HID1: variants seen among roughly 807,000 people sequenced by gnomAD.
The protein encoded by HID1 is HID1 domain containing.
A neutral mutation model predicts 89.7 loss-of-function variants in HID1; 42 were observed. The observed-to-expected ratio is 0.47, with a 90% CI of 0.37 to 0.61. The LOEUF (loss-of-function observed/expected upper bound fraction) is 0.61, where lower values mean the gene tolerates loss of function less well. Ranked by LOEUF, HID1 falls within the 20% of genes least tolerant of loss-of-function variation. The pLI is 0.00. For missense variants in HID1, 854 were observed against 1,039.3 expected, an observed-to-expected ratio of 0.82 and a Z score of 2.45; for synonymous variants, 442 against 433.8, an observed-to-expected ratio of 1.02 and a Z score of -0.24.
chr17:74,951,821 G>T, intron 18 of HID1, 84 bp downstream of exon 18: 2 of 1,418,654 alleles, frequency 1.4e-6, no homozygotes, highest in Non-Finnish European at 1.9e-6. Context: ...TCCACCATAG[G>T]TGGTGGGGCC....
In HID1 at chr17:74,962,940, G is replaced by C. The variant is rs779403297; in HGVS notation, c.504+25C>G. The C allele has an allele frequency of 1.9e-6, 3 of 1,540,802 alleles. No homozygotes were observed. Among genetic ancestry groups the C allele is most frequent in the Non-Finnish European group, 2.7e-6 (3 of 1,117,326 alleles). ...CAGGACCAGAGCCTACTCCGCCTGG[G>C]GGTGGGGGGCTGGGGGACACTCACC... On this transcript the variant is annotated intron_variant, in intron 4 of 18. Coordinates refer to ENST00000425042, the MANE Select transcript of HID1 (RefSeq NM_030630.3). This position sits in a 1 kb window ranked among gnomAD's most constrained non-coding sequence, Gnocchi z 4.3.
intron 13 of HID1, among the ~76,000 whole-genome samples, chr17:74,955,532 CT>C (rs1449989578): frequency 1.3e-5 from 2 of 152,038 alleles, no homozygotes; most frequent in African/African-American, 4.8e-5. Context: ...TGTCCATCAT[CT>C]GTTTGAAGCC....
In HID1 at chr17:74,954,194, CG is replaced by C; in HGVS notation, c.1807del (p.Arg603AlafsTer24). On this transcript the variant is annotated frameshift_variant, in exon 14 of 19. Transcript: ENST00000425042. LOFTEE classifies it high-confidence loss of function. ...SQEGTSMEGS[R>X]PAAPAEPGTL... ...GCCTGGCTCTGCAGGGGCAGCGGGG[CG>C]GGAGCCCTCCATGGAGGTGCCCTCC... 6.2e-7 allele frequency: 1 copy of C among 1,602,596 alleles called. No homozygotes were observed.
intron 14 of HID1, 28 bp downstream of exon 14, chr17:74,954,109 CA>C: frequency 6.4e-7 from 1 of 1,556,376 alleles, no homozygotes; most frequent in South Asian, 1.2e-5. Flanking sequence ...CCAGTATCCA[CA>C]CTCCTGTCCC....
At position 74,962,857 on chromosome 17, in the gene HID1, G is replaced by T; in HGVS notation, c.504+108C>A. 1.3e-6 allele frequency: 1 copy of T among 768,882 alleles called. No individual in the cohort carries two copies. The highest frequency in any genetic ancestry group is 2.2e-6 in the Non-Finnish European group (1 of 463,412). The allele number at this position is 768,882 out of a possible 1,614,324, so 47.6% of individuals were successfully genotyped here. On this transcript the variant is annotated intron_variant, in intron 4 of 18. Transcript: ENST00000425042. The surrounding 1 kb of genome is among the most constrained non-coding windows in gnomAD (Gnocchi z 4.3). Reference sequence around the variant, plus strand: ...TGCCAGGCAGCTCAGCTCTCCTGGAGCCCCCCGGCCCCCAGTGCAATCCGC... The same window carrying T: ...TGCCAGGCAGCTCAGCTCTCCTGGATCCCCCCGGCCCCCAGTGCAATCCGC...
chr17:74,968,471 AC>A (rs2039595597), intron 1 of HID1, among the ~76,000 whole-genome samples: 1 of 149,140 alleles, frequency 6.7e-6, no homozygotes, highest in Non-Finnish European at 1.5e-5. Context: ...CAGAGCAAAC[AC>A]CCCCACCCCA....
At chr17:74,955,712 C>T in intron 13 of HID1, 80 bp downstream of exon 13, 1 of 1,399,938 alleles carries the variant, frequency 7.1e-7, no homozygotes, top group South Asian at 1.3e-5. Context: ...CAGAGGCCAC[C>T]TCCTGGGCTG....
At chr17:74,968,190 T>A (rs928094980) in intron 1 of HID1, among the ~76,000 whole-genome samples, 1 of 152,130 alleles carries the variant, frequency 6.6e-6, no homozygotes, top group African/African-American at 2.4e-5. Flanking sequence ...TGCTCCCACC[T>A]GGGAACCTCC....
At chr17:74,966,749 A>G (rs1250702631) in intron 1 of HID1, among the ~76,000 whole-genome samples, 1 of 152,084 alleles carries the variant, frequency 6.6e-6, no homozygotes, top group African/African-American at 2.4e-5. Flanking sequence ...CAGGAGTTCA[A>G]GACCAGCCTG....
In HID1 at chr17:74,953,608, G is replaced by A. The variant is rs2039341039; in HGVS notation, c.1908C>T (p.Gly636=). ...GCTCAGGTTCCAGGGACCGCAAGGT[G>A]CCATCCTCTGACACCTGGGACTTCT... The part of the protein sequence containing the change: ...LTEKSQVSED[G]TLRSLEPEPQ... Residue 636 remains glycine, a synonymous_variant, in exon 15 of 19, where the codon GGC becomes GGT. Coordinates refer to ENST00000425042, the MANE Select transcript of HID1 (RefSeq NM_030630.3). 2.5e-6 allele frequency: 4 copies of A among 1,614,110 alleles called. No homozygotes were observed. The East Asian group carries it at 6.7e-5, about 27-fold the overall frequency.
At chr17:74,952,612 T>C (rs1157985097) in intron 16 of HID1, among the ~76,000 whole-genome samples, 3 of 152,080 alleles carry the variant, frequency 2.0e-5, no homozygotes, top group Non-Finnish European at 4.4e-5. Context: ...CACAACAGCG[T>C]GGTCAGGCAG....
At position 74,953,775 on chromosome 17, in the gene HID1, T is replaced by C. The variant is rs73363081; in HGVS notation, c.1865-124A>G. ...TTCCCTCTGGAACCTCCACCGGCTC[T>C]AGAGGCAGTGTCTGATCACTGTAAC... On this transcript the variant is annotated intron_variant, in intron 14 of 18. Transcript: ENST00000425042. 0.021 allele frequency: 15,917 copies of C among 744,494 alleles called. 1,734 individuals carry two copies. In the African/African-American group the frequency reaches 0.24, roughly 11 times the overall value. 46.1% of individuals were successfully genotyped at this position (744,494 alleles called of 1,614,324 possible).
At chr17:74,956,080 G>A (rs184984896) in intron 12 of HID1, 124 bp from the exon 13 acceptor site, 13 of 985,862 alleles carry the variant, frequency 1.3e-5, no homozygotes, top group East Asian at 1.0e-4. Flanking sequence ...GAGCCAGGAC[G>A]ACCAAGGCCC....
chr17:74,952,262 G>A lies in HID1; in HGVS notation c.2144+7C>T. ...ACAACCCCCGGCCCTGCCGGCGCCC[G>A]ACTCACTTGTCAATGCAGATCTTCT... On this transcript the variant is annotated splice_region_variant and intron_variant, in intron 17 of 18. Transcript: ENST00000425042. The A allele has an allele frequency of 3.7e-6, 6 of 1,603,726 alleles. No individual in the cohort carries two copies. The highest frequency in any genetic ancestry group is 2.2e-5 in the East Asian group (1 of 44,500).
Position 74,958,069 on chromosome 17 carries a change from A to AT in HID1, c.1471+71_1471+72insA. The AT allele has an allele frequency of 7.3e-7, 1 of 1,378,914 alleles. No individual in the cohort carries two copies. Among genetic ancestry groups the AT allele is most frequent in the East Asian group, 2.5e-5 (1 of 40,190 alleles). The allele number at this position is 1,378,914 out of a possible 1,614,324, so 85.4% of individuals were successfully genotyped here. ...GCTGGAGGGGCTTGAAACCTGGAGCAAGTGGCAGGTTGGCCTGTGGCCTGA... is the reference window on the plus strand; with the variant it reads ...GCTGGAGGGGCTTGAAACCTGGAGCATAGTGGCAGGTTGGCCTGTGGCCTGA... On this transcript the variant is annotated intron_variant, in intron 12 of 18. Transcript: ENST00000425042. The surrounding 1 kb of genome is among the most constrained non-coding windows in gnomAD (Gnocchi z 5.2).
chr17:74,962,968 A>G lies in HID1; in HGVS notation c.501T>C (p.Thr167=). ...DFTVQSHRRS[T]VDSAEDVHSL... is the part of the protein sequence containing the mutation. The stretch of plus-strand genomic sequence containing the variant: ...TGGGGGGCTGGGGGACACTCACCAC[A>G]GTGCTCCTCCGGTGGCTCTGAACCG... Residue 167 remains threonine, a synonymous_variant, in exon 4 of 19, where the codon ACT becomes ACC. Transcript: ENST00000425042. The surrounding 1 kb of genome is among the most constrained non-coding windows in gnomAD (Gnocchi z 4.3). 6.2e-7 allele frequency: 1 copy of G among 1,609,524 alleles called. No individual in the cohort carries two copies. The highest frequency in any genetic ancestry group is 8.5e-7 in the Non-Finnish European group (1 of 1,176,756).
chr17:74,953,812 C>T (rs2039344180), intron 14 of HID1, among the ~76,000 whole-genome samples, 161 bp from the exon 15 acceptor site: 1 of 152,018 alleles, frequency 6.6e-6, no homozygotes, highest in Non-Finnish European at 1.5e-5. Flanking sequence ...CCCTCTCCTG[C>T]GCCCATCCCT....
rs1646165286 is a variant in HID1, at chr17:74,960,071, G to A, written c.906C>T (p.Pro302=). Residue 302 remains proline (P), a synonymous_variant, in exon 7 of 19, where the codon CCC becomes CCT. Coordinates refer to ENST00000425042, the MANE Select transcript of HID1 (RefSeq NM_030630.3). ...LDHDSASSAS[P]TVDGTTTGTA... is the part of the protein sequence containing the mutation. ...TGCCAGTGGTGGTGCCGTCCACAGTGGGGCTGGCACTGCTGGCACTGTCGT... is the reference window on the plus strand; with the variant it reads ...TGCCAGTGGTGGTGCCGTCCACAGTAGGGCTGGCACTGCTGGCACTGTCGT... 6.2e-7 allele frequency: 1 copy of A among 1,613,840 alleles called. No individual in the cohort carries two copies.
Position 74,956,663 on chromosome 17 carries a change from C to T in HID1, c.1472-707G>A, listed in dbSNP as rs557477520. On this transcript the variant is annotated intron_variant, in intron 12 of 18. Coordinates refer to ENST00000425042, the MANE Select transcript of HID1 (RefSeq NM_030630.3). ...GCCCAGCTAGAGGCCTCTACCACCG[C>T]ACACTACCCACCCTGCAGTCTAAAC... 3.3e-4 allele frequency among the ~76,000 whole-genome samples: 50 copies of T among 152,342 alleles called. No individual in the cohort carries two copies. In the South Asian group the frequency reaches 8.5e-3, roughly 26 times the overall value.
Sources: allele counts gnomAD v4.1 joint callset (sites outside exome capture counted in the v4.1 genomes callset), GRCh38; gene constraint gnomAD v4.1.1; non-coding constraint Gnocchi (gnomAD v3.1); transcripts MANE v1.5; gene names NCBI Gene and HGNC (gene_info 2026-07-23, HGNC 2026-07-21).